The following BRD9 variants were observed in gnomAD, a reference collection of about 807,000 sequenced individuals.
BRD9 encodes the protein bromodomain-containing protein 9.
Under a neutral mutation model 68.7 loss-of-function variants are expected in BRD9, and 47 were observed. The observed-to-expected ratio is 0.68, with a 90% CI of 0.54 to 0.87. BRD9 has a LOEUF of 0.87. Among genes scored for constraint, BRD9 ranks in the 40% least tolerant of loss-of-function variants. The pLI is 0.00. For synonymous variants in BRD9, 313 were observed against 293.9 expected, an observed-to-expected ratio of 1.06 and a Z score of -0.67; for missense variants, 670 against 748.4, an observed-to-expected ratio of 0.90 and a Z score of 1.22.
chr5:891,019 C>A (rs780027016), intron 3 of BRD9, 136 bp downstream of exon 3: 2 of 1,176,394 alleles, frequency 1.7e-6, no homozygotes, highest in Non-Finnish European at 2.3e-6. Context: ...CCAGAGGACA[C>A]CTGGGATGAG....
chr5:889,676 T>TA, intron 3 of BRD9, 29 bp from the exon 4 acceptor site: 5 of 1,608,990 alleles, frequency 3.1e-6, no homozygotes, highest in Non-Finnish European at 4.2e-6. Flanking sequence ...AAAAATTGAA[T>TA]ACAAGACTTT....
At chr5:888,978 C>T in intron 5 of BRD9, 43 bp downstream of exon 5, 1 of 1,580,852 alleles carries the variant, frequency 6.3e-7, no homozygotes, top group Non-Finnish European at 8.6e-7. Flanking sequence ...CATGAATACA[C>T]AGAACTATGC....
intron 8 of BRD9, 26 bp downstream of exon 8, chr5:883,912 C>G: frequency 6.2e-7 from 1 of 1,603,796 alleles, no homozygotes; most frequent in Non-Finnish European, 8.5e-7. Flanking sequence ...ACGTGGCACC[C>G]TCTCTCGGTG....
Position 892,685 on chromosome 5 carries a change from G to A in BRD9, c.-28C>T. 1 of 1,393,118 alleles carries A rather than the reference G, an allele frequency of 7.2e-7. No individual in the cohort carries two copies. 86.3% of individuals were successfully genotyped at this position (1,393,118 alleles called of 1,614,324 possible). A position where few individuals can be genotyped will look rare whatever the true frequency, so the allele number is the denominator to read the frequency against. ...CGGCGCCGGCGGCGGGCCCGAGGCG[G>A]GGGCTGGGAACAGCTGGCACCCGGT... On this transcript the variant is annotated 5_prime_UTR_variant, in exon 1 of 16. Transcript: ENST00000467963.
intron 1 of BRD9, 56 bp downstream of exon 1, chr5:892,550 C>A: frequency 2.6e-6 from 4 of 1,526,174 alleles, no homozygotes; most frequent in Non-Finnish European, 3.5e-6. Context: ...GCCCGGAACT[C>A]CTCCCCCGTG....
intron 14 of BRD9, among the ~76,000 whole-genome samples, chr5:866,706 G>C (rs1749427219): frequency 6.6e-6 from 1 of 152,126 alleles, no homozygotes; most frequent in African/African-American, 2.4e-5. Flanking sequence ...CTTTGAACTT[G>C]AGAGAGATGA....
chr5:886,763 C>T (rs1235842152), intron 6 of BRD9, 56 bp from the exon 7 acceptor site: 13 of 1,611,818 alleles, frequency 8.1e-6, no homozygotes, highest in Non-Finnish European at 1.0e-5. Flanking sequence ...AGCTAACAGC[C>T]GCTCCTAGAA....
intron 7 of BRD9, among the ~76,000 whole-genome samples, chr5:885,517 G>A (rs67908378): frequency 0.11 from 17,148 of 152,268 alleles, 1,737 homozygotes; most frequent in African/African-American, 0.27. Context: ...CCTCAAGGAC[G>A]TTCAGTACCA....
intron 15 of BRD9, 26 bp from the exon 16 acceptor site, chr5:864,594 C>T (rs887561679): frequency 1.9e-6 from 3 of 1,603,054 alleles, no homozygotes; most frequent in South Asian, 1.1e-5. Flanking sequence ...CACAGGACTT[C>T]AACACACAGG....
intron 4 of BRD9, 90 bp downstream of exon 4, chr5:889,497 G>A (rs1753033929): frequency 3.5e-6 from 5 of 1,413,584 alleles, no homozygotes; most frequent in African/African-American, 1.4e-5. Context: ...CTGTTTCACA[G>A]CTGACGAGGC....
rs73733972 is a variant in BRD9, at chr5:886,475, T to C, written c.833+117A>G. 9.3e-3 allele frequency: 9,626 copies of C among 1,034,086 alleles called. 496 individuals are homozygous for C. The African/African-American group carries it at 0.12, about 13-fold the overall frequency. The allele number at this position is 1,034,086 out of a possible 1,614,324, so 64.1% of individuals were successfully genotyped here. A position where few individuals can be genotyped will look rare whatever the true frequency, so the allele number is the denominator to read the frequency against. On this transcript the variant is annotated intron_variant, in intron 7 of 15. Transcript: ENST00000467963. ...CTGCCAGAATAAGCTACACCAAGAATGTCTATGTGACATGACATCCGTTCT... is the reference window on the plus strand; with the variant it reads ...CTGCCAGAATAAGCTACACCAAGAACGTCTATGTGACATGACATCCGTTCT...
At chr5:869,793 C>T (rs530509683) in intron 14 of BRD9, among the ~76,000 whole-genome samples, 1 of 152,330 alleles carries the variant, frequency 6.6e-6, no homozygotes, top group East Asian at 1.9e-4. Context: ...CAAGTTGTCC[C>T]GCCTTTCCAA....
intron 7 of BRD9, among the ~76,000 whole-genome samples, chr5:885,458 C>A (rs1231436034): frequency 1.3e-5 from 2 of 152,236 alleles, no homozygotes; most frequent in Non-Finnish European, 2.9e-5. Context: ...GAGTCCCATA[C>A]ACATGTGAGA....
Position 876,158 on chromosome 5 carries a change from G to T in BRD9, c.1326C>A (p.Asp442Glu). Reference protein sequence around the residue: ...AGSYSKKVVDDLLDQITGGDH... With the variant: ...AGSYSKKVVDELLDQITGGDH... The stretch of plus-strand genomic sequence containing the variant: ...CTCCGCCTGTGATCTGGTCCAGGAG[G>T]TCGTCCACCACTTTCTTGCTGTAGC... Residue 442 changes from aspartate to glutamate, a missense_variant, in exon 12 of 16, where the codon GAC (aspartate) becomes GAA (glutamate). This residue lies in a region of BRD9 where 280 missense variants were observed against 281.5 expected (regional missense o/e 0.99). Coordinates refer to ENST00000467963, the MANE Select transcript of BRD9 (RefSeq NM_023924.5). 6.2e-7 allele frequency: 1 copy of T among 1,613,826 alleles called. No individual in the cohort carries two copies. The highest frequency in any genetic ancestry group is 8.5e-7 in the Non-Finnish European group (1 of 1,179,966).
rs560746343 is a variant in BRD9 at position 887,238 on chromosome 5, G to A, written c.717+123C>T. 5 of 801,092 alleles carry A rather than the reference G, an allele frequency of 6.2e-6. No homozygotes were observed. In the African/African-American group the frequency reaches 6.9e-5, roughly 11 times the overall value. The allele number at this position is 801,092 out of a possible 1,614,324, so 49.6% of individuals were successfully genotyped here. On this transcript the variant is annotated intron_variant, in intron 6 of 15. Transcript: ENST00000467963. ...GGACGTCTACCCTAGAGCAAAGGGG[G>A]CAACACCATGAGGGTGGCGGGTGGA...
intron 3 of BRD9, chr5:890,065 G>A (rs1753131931): frequency 2.9e-6 from 1 of 341,682 alleles, no homozygotes; most frequent in African/African-American, 2.1e-5. Flanking sequence ...GCGTGGTGGT[G>A]CGTGCCTGTA....
chr5:870,525 C>G lies in BRD9; in HGVS notation c.1473G>C (p.Ser491=). ...DSSSSVLEFM[S]MKSYPDVSVD... Reference sequence around the variant, plus strand: ...CAGAAACGTCGGGATAGGACTTCATCGACATGAACTCCAGAACAGAGCTGC... The same window carrying G: ...CAGAAACGTCGGGATAGGACTTCATGGACATGAACTCCAGAACAGAGCTGC... Residue 491 remains serine, a synonymous_variant, in exon 14 of 16, where the codon TCG becomes TCC. Coordinates refer to ENST00000467963, the MANE Select transcript of BRD9 (RefSeq NM_023924.5). 6.2e-7 allele frequency: 1 copy of G among 1,614,202 alleles called. No homozygotes were observed. The highest frequency in any genetic ancestry group is 8.5e-7 in the Non-Finnish European group (1 of 1,180,028).
chr5:864,691 G>A (rs1749080644), intron 15 of BRD9, 123 bp from the exon 16 acceptor site: 1 of 761,708 alleles, frequency 1.3e-6, no homozygotes, highest in Non-Finnish European at 2.1e-6. Flanking sequence ...CAGGACACAG[G>A]GGCACCTCTC....
Position 891,232 on chromosome 5 carries a change from T to A in BRD9, c.323A>T (p.Asp108Val), listed in dbSNP as rs1753330254. ...CACCTTCTTCCCAGGATCAAAGTCG[T>A]CAGCCTCTCCCTCCGTGTCACAGTG... ...REHCDTEGEA[D>V]DFDPGKKVEV... is the part of the protein sequence containing the mutation. Residue 108 changes from aspartate (D) to valine (V), a missense_variant, in exon 3 of 16, where the codon GAC becomes GTC. Asp to Val is a radical substitution (Grantham distance 152). Coordinates refer to ENST00000467963, the MANE Select transcript of BRD9 (RefSeq NM_023924.5). 1.9e-6 allele frequency: 3 copies of A among 1,551,778 alleles called. No individual in the cohort carries two copies. The highest frequency in any genetic ancestry group is 2.0e-5 in the Admixed American group (1 of 50,984).
Sources: allele counts gnomAD v4.1 joint callset (sites outside exome capture counted in the v4.1 genomes callset), GRCh38; gene constraint gnomAD v4.1.1; regional missense constraint gnomAD v4.1.1; transcripts MANE v1.5; gene names NCBI Gene and HGNC (gene_info 2026-07-23, HGNC 2026-07-21).